The following DTD1 variants were observed in gnomAD, a reference collection of about 807,000 sequenced individuals.
DTD1 encodes D-tyrosyl-tRNA deacylase 1 homolog.
Under a neutral mutation model 25.6 loss-of-function variants are expected in DTD1, and 13 were observed. That is an observed-to-expected ratio of 0.51 (90% CI 0.33 to 0.81). The LOEUF (loss-of-function observed/expected upper bound fraction) is 0.81, where lower values mean the gene tolerates loss of function less well. Ranked by LOEUF, DTD1 falls within the 30% of genes least tolerant of loss-of-function variation. DTD1 has a pLI of 0.02. For missense variants in DTD1, 193 were observed against 266.4 expected (o/e 0.72, Z 1.92); for synonymous variants, 110 against 103.6 (o/e 1.06, Z -0.37).
At chr20:18,659,065 C>A (rs2122367753) in intron 4 of DTD1, among the ~76,000 whole-genome samples, 1 of 151,476 alleles carries the variant, frequency 6.6e-6, no homozygotes, top group South Asian at 2.1e-4. Flanking sequence ...TAAATGAATT[C>A]TTAAAAAAAA....
chr20:18,705,767 A>G (rs2061124092), intron 4 of DTD1, among the ~76,000 whole-genome samples: 1 of 152,202 alleles, frequency 6.6e-6, no homozygotes, highest in Non-Finnish European at 1.5e-5. Context: ...AGAAAATGCC[A>G]AAGGTTGGAA....
intron 4 of DTD1, chr20:18,632,605 T>G (rs1040203611): frequency 2.0e-6 from 2 of 984,870 alleles, no homozygotes; most frequent in Non-Finnish European, 2.4e-6. Flanking sequence ...TAATTCTCAG[T>G]GTTTTATTTT....
intron 4 of DTD1, among the ~76,000 whole-genome samples, chr20:18,710,228 TG>T (rs899304380): frequency 2.6e-5 from 4 of 152,220 alleles, no homozygotes; most frequent in Non-Finnish European, 5.9e-5. Context: ...TTAGGTATCA[TG>T]TCTTATCCTA....
intron 4 of DTD1, among the ~76,000 whole-genome samples, chr20:18,695,316 C>T (rs774865106): frequency 6.6e-6 from 1 of 151,128 alleles, no homozygotes; most frequent in Non-Finnish European, 1.5e-5. Flanking sequence ...GTAAGAATTT[C>T]GTTTATTGGT....
At chr20:18,702,427 T>G (rs2061109121) in intron 4 of DTD1, among the ~76,000 whole-genome samples, 1 of 152,238 alleles carries the variant, frequency 6.6e-6, no homozygotes, top group Non-Finnish European at 1.5e-5. Context: ...GAGTCCAGAA[T>G]TAACTGGGGA....
intron 3 of DTD1, among the ~76,000 whole-genome samples, chr20:18,620,679 T>G (rs1195552251): frequency 2.6e-5 from 4 of 152,060 alleles, no homozygotes; most frequent in Non-Finnish European, 2.9e-5. Context: ...ACTGTAGCCT[T>G]GAGCTCCTGG....
In DTD1 at chr20:18,749,037, G is replaced by A. The variant is rs1261273471; in HGVS notation, c.*19+4766G>A. ...GGCAAAAGAGGAGGAAGAGGGCAAT[G>A]GAGGGAAGTTCCTGGCTGGCCTCAG... is the stretch of plus-strand genomic sequence containing the variant. On this transcript the variant is annotated intron_variant, in intron 5 of 5. Coordinates refer to ENST00000377452, the MANE Select transcript of DTD1 (RefSeq NM_080820.6). The surrounding 1 kb of genome is among the most constrained non-coding windows in gnomAD (Gnocchi z 4.2). Among the ~76,000 whole-genome samples, 1 of 152,220 alleles carries A rather than the reference G, an allele frequency of 6.6e-6. No homozygotes were observed. Among genetic ancestry groups the A allele is most frequent in the East Asian group, 1.9e-4 (1 of 5,196 alleles).
At chr20:18,724,261 AAAG>A (rs137949890) in intron 4 of DTD1, among the ~76,000 whole-genome samples, 1,893 of 152,334 alleles carry the variant, frequency 0.012, 39 homozygotes, top group African/African-American at 0.042. Flanking sequence ...TTCCATGAGC[AAAG>A]AAGAAGGTGG....
chr20:18,702,095 T>C (rs2061107707), intron 4 of DTD1, among the ~76,000 whole-genome samples: 1 of 152,226 alleles, frequency 6.6e-6, no homozygotes, highest in Admixed American at 6.5e-5. Flanking sequence ...TTCACTTCCA[T>C]TTTAGACAAA....
chr20:18,636,987 G>A (rs1269344038), intron 4 of DTD1, among the ~76,000 whole-genome samples: 2 of 152,200 alleles, frequency 1.3e-5, no homozygotes, highest in East Asian at 3.9e-4. Flanking sequence ...GGATGAGGAA[G>A]GCAGAAGAGT....
chr20:18,591,481 T>C (rs1289579740), intron 1 of DTD1, among the ~76,000 whole-genome samples: 2 of 152,144 alleles, frequency 1.3e-5, no homozygotes, highest in Non-Finnish European at 2.9e-5. Context: ...GGTTATGACA[T>C]GAAAAAATTC....
chr20:18,707,772 C>G (rs1043060929), intron 4 of DTD1, among the ~76,000 whole-genome samples: 1 of 152,116 alleles, frequency 6.6e-6, no homozygotes, highest in Non-Finnish European at 1.5e-5. Context: ...CACACACACA[C>G]TCACACACTC....
intron 4 of DTD1, among the ~76,000 whole-genome samples, chr20:18,684,213 C>T (rs2061007884): frequency 6.6e-6 from 1 of 152,046 alleles, no homozygotes; most frequent in Non-Finnish European, 1.5e-5. Context: ...CTCCCCACCC[C>T]ACCCCTGCAT....
At chr20:18,733,297 G>T (rs1428156278) in intron 4 of DTD1, among the ~76,000 whole-genome samples, 2 of 152,204 alleles carry the variant, frequency 1.3e-5, no homozygotes, top group Non-Finnish European at 2.9e-5. Context: ...CTCAGGCCTT[G>T]TGCCCGCCTG....
At chr20:18,654,990 T>C (rs1328727203) in intron 4 of DTD1, among the ~76,000 whole-genome samples, 2 of 152,250 alleles carry the variant, frequency 1.3e-5, no homozygotes, top group African/African-American at 4.8e-5. Flanking sequence ...AATTAATAAA[T>C]GCTTATGAAT....
chr20:18,628,273 G>A lies in DTD1; in HGVS notation c.477+40G>A, dbSNP rs780389306. 18 of 1,518,858 alleles carry A rather than the reference G, an allele frequency of 1.2e-5. No homozygotes were observed. The East Asian group carries it at 3.9e-4, about 33-fold the overall frequency. 94.1% of individuals were successfully genotyped at this position (1,518,858 alleles called of 1,614,324 possible). ...TGGTGCCTGGCTCCGTCCCTTGGGT[G>A]CCTGTAACATCCCTTTAGTCCCTGG... On this transcript the variant is annotated intron_variant, in intron 4 of 5. Transcript: ENST00000377452.
chr20:18,740,396 A>G (rs1202285375), intron 4 of DTD1, among the ~76,000 whole-genome samples: 2 of 151,884 alleles, frequency 1.3e-5, no homozygotes, highest in East Asian at 1.9e-4. Flanking sequence ...TAAAAATTGT[A>G]CTTTCTCAGC....
chr20:18,636,594 T>C (rs2060808318), intron 4 of DTD1, among the ~76,000 whole-genome samples: 1 of 152,222 alleles, frequency 6.6e-6, no homozygotes, highest in Non-Finnish European at 1.5e-5. Flanking sequence ...GTTATCTTTT[T>C]TAATCTTAAA....
chr20:18,637,430 A>G (rs1181654760), intron 4 of DTD1, among the ~76,000 whole-genome samples: 2 of 152,206 alleles, frequency 1.3e-5, no homozygotes, highest in Non-Finnish European at 2.9e-5. Flanking sequence ...GGTGACATTG[A>G]GGCATATGCT....
Sources: gnomAD v4.1 joint callset for allele counts (sites outside exome capture counted in the v4.1 genomes callset) on GRCh38, gnomAD v4.1.1 for gene constraint, Gnocchi (gnomAD v3.1) non-coding constraint, MANE v1.5 for transcripts, NCBI Gene and HGNC (gene_info 2026-07-23, HGNC 2026-07-21) for gene names.